MFHAS1: variants seen among roughly 807,000 people sequenced by gnomAD.
MFHAS1 encodes multifunctional ROCO family signaling regulator 1.
Under a neutral mutation model 70.4 loss-of-function variants are expected in MFHAS1, and 50 were observed. The ratio of observed to expected loss-of-function variants is 0.71; its 90% CI spans 0.57 to 0.90. MFHAS1 has a LOEUF of 0.90. Among genes scored for constraint, MFHAS1 ranks in the 40% least tolerant of loss-of-function variants. MFHAS1 has a pLI of 0.00. For missense variants in MFHAS1, 1,795 were observed against 1,347.6 expected, an observed-to-expected ratio of 1.33 and a Z score of -5.20; for synonymous variants, 952 against 620.0, an observed-to-expected ratio of 1.54 and a Z score of -7.96.
intron 1 of MFHAS1, among the ~76,000 whole-genome samples, chr8:8,819,844 G>A (rs1273267746): frequency 6.6e-6 from 1 of 151,988 alleles, no homozygotes; most frequent in East Asian, 1.9e-4. Flanking sequence ...GACCACAGGT[G>A]CGCACCACCA....
intron 1 of MFHAS1, among the ~76,000 whole-genome samples, chr8:8,863,963 G>A (rs4382480): frequency 0.44 from 66,496 of 152,000 alleles, 16,085 homozygotes; most frequent in East Asian, 0.84. Context: ...CATTATGGCT[G>A]CCTCAGTGAC....
At chr8:8,865,326 G>A (rs1177404691) in intron 1 of MFHAS1, among the ~76,000 whole-genome samples, 1 of 147,364 alleles carries the variant, frequency 6.8e-6, no homozygotes, top group Non-Finnish European at 1.5e-5. Context: ...CAAGATGACA[G>A]GCTGAGAAAT....
chr8:8,881,697 G>A (rs1228853942), intron 1 of MFHAS1, among the ~76,000 whole-genome samples: 1 of 152,112 alleles, frequency 6.6e-6, no homozygotes, highest in Non-Finnish European at 1.5e-5. Context: ...AGTCAGGCGT[G>A]GTGGCAGTTG....
At chr8:8,837,621 C>A (rs1002130852) in intron 1 of MFHAS1, among the ~76,000 whole-genome samples, 1 of 150,950 alleles carries the variant, frequency 6.6e-6, no homozygotes, top group Non-Finnish European at 1.5e-5. Flanking sequence ...CCAGCCTGGG[C>A]GACAGAGTGA....
chr8:8,852,775 T>C (rs1808295540), intron 1 of MFHAS1, among the ~76,000 whole-genome samples: 1 of 152,152 alleles, frequency 6.6e-6, no homozygotes, highest in Non-Finnish European at 1.5e-5. Flanking sequence ...CATCCCACCA[T>C]GCAAAGCTCT....
At chr8:8,851,345 A>G (rs1381233381) in intron 1 of MFHAS1, among the ~76,000 whole-genome samples, 4 of 152,318 alleles carry the variant, frequency 2.6e-5, no homozygotes, top group Admixed American at 6.5e-5. Context: ...ATGAGTCCCT[A>G]CAAGTCAGTA....
In MFHAS1 at chr8:8,783,738, C is replaced by G. The variant is rs566271831; in HGVS notation, c.*2284G>C. 10 of 152,162 alleles carry G rather than the reference C, an allele frequency of 6.6e-5. No homozygotes were observed. The highest frequency in any genetic ancestry group is 2.4e-4 in the African/African-American group (10 of 41,430). The allele number at this position is 152,162 out of a possible 1,614,324, so 9.4% of individuals were successfully genotyped here. On this transcript the variant is annotated 3_prime_UTR_variant, in exon 3 of 3. Coordinates refer to ENST00000276282, the MANE Select transcript of MFHAS1 (RefSeq NM_004225.3). ...CATTCCTCTTGTGCTTAGTGAATCA[C>G]CTATCGCCTCGGTGGGCTGCTGTGT...
intron 1 of MFHAS1, among the ~76,000 whole-genome samples, chr8:8,857,207 T>C (rs927896923): frequency 1.3e-5 from 2 of 152,144 alleles, no homozygotes; most frequent in African/African-American, 2.4e-5. Context: ...AGAAAGTTCA[T>C]GAGACATCAA....
At chr8:8,855,717 A>G (rs1009859157) in intron 1 of MFHAS1, among the ~76,000 whole-genome samples, 17 of 152,108 alleles carry the variant, frequency 1.1e-4, no homozygotes, top group East Asian at 5.8e-4. Context: ...TTAGCCAGGC[A>G]TGGTGGCAGG....
chr8:8,799,103 G>C (rs1353962126), intron 1 of MFHAS1, among the ~76,000 whole-genome samples: 6 of 151,778 alleles, frequency 4.0e-5, no homozygotes, highest in Admixed American at 3.9e-4. Context: ...AAGAAGAGCA[G>C]TCCCCCCTTA....
chr8:8,828,042 G>A lies in MFHAS1; in HGVS notation c.2999-30551C>T, dbSNP rs575677250. Among the ~76,000 whole-genome samples the A allele has an allele frequency of 6.6e-5, 10 of 152,046 alleles. No individual in the cohort carries two copies. The South Asian group carries it at 1.2e-3, about 19-fold the overall frequency. ...ATTTATTGATGAATTTACTTCCCCC[G>A]GTGATTAGGAATGCCACCTTTTCCC... On this transcript the variant is annotated intron_variant, in intron 1 of 2. Coordinates refer to ENST00000276282, the MANE Select transcript of MFHAS1 (RefSeq NM_004225.3).
intron 1 of MFHAS1, among the ~76,000 whole-genome samples, chr8:8,871,885 T>A (rs1329966832): frequency 6.6e-6 from 1 of 152,228 alleles, no homozygotes; most frequent in Non-Finnish European, 1.5e-5. Flanking sequence ...ATAAAGCAAG[T>A]AAGCTGCATG....
At chr8:8,790,556 T>C (rs1039910) in intron 2 of MFHAS1, 50,542 of 177,386 alleles carry the variant, frequency 0.28, 7,981 homozygotes, top group African/African-American at 0.39. Context: ...ACTCCTTGCA[T>C]AGAACAAAAC....
chr8:8,799,872 G>A (rs926387463), intron 1 of MFHAS1, among the ~76,000 whole-genome samples: 3 of 152,202 alleles, frequency 2.0e-5, no homozygotes, highest in African/African-American at 7.2e-5. Flanking sequence ...TGTACACCTC[G>A]TGTAATCTTC....
intron 1 of MFHAS1, among the ~76,000 whole-genome samples, chr8:8,871,407 G>T (rs1001081795): frequency 1.3e-5 from 2 of 152,130 alleles, no homozygotes; most frequent in East Asian, 3.9e-4. Flanking sequence ...AAAATTAGCT[G>T]GGCATGGTGG....
chr8:8,890,842 G>C lies in MFHAS1; in HGVS notation c.2217C>G (p.Val739=). ...NLTRLIDILN[V]FFQRDPSLLL... Reference sequence around the variant, plus strand: ...GCAAAGAGGGATCCCTCTGGAAGAAGACATTGAGGATGTCGATGAGGCGGG... The same window carrying C: ...GCAAAGAGGGATCCCTCTGGAAGAACACATTGAGGATGTCGATGAGGCGGG... Residue 739 remains valine, a synonymous_variant, in exon 1 of 3, where the codon GTC becomes GTG. Coordinates refer to ENST00000276282, the MANE Select transcript of MFHAS1 (RefSeq NM_004225.3). The C allele has an allele frequency of 6.2e-7, 1 of 1,614,228 alleles. No individual in the cohort carries two copies. The highest frequency in any genetic ancestry group is 8.5e-7 in the Non-Finnish European group (1 of 1,180,042).
chr8:8,841,083 C>T (rs1015304766), intron 1 of MFHAS1, among the ~76,000 whole-genome samples: 1 of 152,156 alleles, frequency 6.6e-6, no homozygotes, highest in African/African-American at 2.4e-5. Flanking sequence ...TTACCAAGTG[C>T]CTTAATAAAG....
At chr8:8,874,177 T>C (rs1809198211) in intron 1 of MFHAS1, among the ~76,000 whole-genome samples, 1 of 152,078 alleles carries the variant, frequency 6.6e-6, no homozygotes, top group South Asian at 2.1e-4. Context: ...CTGAAGGAAA[T>C]AAAACTGAGT....
intron 2 of MFHAS1, chr8:8,790,454 T>C: frequency 1.2e-6 from 1 of 841,998 alleles, no homozygotes; most frequent in Non-Finnish European, 1.4e-6. Context: ...GAGGGAAAAA[T>C]TCCAGTATCA....
Sources: gnomAD v4.1 joint callset for allele counts (sites outside exome capture counted in the v4.1 genomes callset) on GRCh38, gnomAD v4.1.1 for gene constraint, MANE v1.5 for transcripts, NCBI Gene and HGNC (gene_info 2026-07-23, HGNC 2026-07-21) for gene names.